The following HERC4 variants were observed in gnomAD, a reference collection of about 807,000 sequenced individuals.
HERC4 encodes probable E3 ubiquitin-protein ligase HERC4.
A neutral mutation model predicts 124.3 loss-of-function variants in HERC4; 28 were observed. The ratio of observed to expected loss-of-function variants is 0.23; its 90% CI spans 0.17 to 0.31. HERC4 has a LOEUF of 0.31. Ranked by LOEUF, HERC4 falls within the 10% of genes least tolerant of loss-of-function variation. The pLI is 1.00. For missense variants in HERC4, 713 were observed against 1,229.3 expected (o/e 0.58, Z 6.28); for synonymous variants, 407 against 421.5 (o/e 0.97, Z 0.42).
chr10:68,033,065 T>TA (rs527476604), intron 6 of HERC4, among the ~76,000 whole-genome samples, 196 bp from the exon 7 acceptor site: 62 of 152,248 alleles, frequency 4.1e-4, no homozygotes, highest in African/African-American at 1.1e-3. Flanking sequence ...AGGAGGGACT[T>TA]AAGAGTTAAG....
intron 3 of HERC4, among the ~76,000 whole-genome samples, chr10:68,050,040 A>C (rs1181526554): frequency 6.6e-6 from 1 of 152,112 alleles, no homozygotes; most frequent in Non-Finnish European, 1.5e-5. Context: ...CATCTCCACT[A>C]AAAAAACAAA....
chr10:68,002,645 C>CTGGA (rs1324301070), intron 9 of HERC4, among the ~76,000 whole-genome samples: 1 of 142,372 alleles, frequency 7.0e-6, no homozygotes, highest in Non-Finnish European at 1.5e-5. Context: ...GTCGCCAAGG[C>CTGGA]TGGAGTGCAG....
At chr10:68,058,149 T>A (rs907279035) in intron 3 of HERC4, among the ~76,000 whole-genome samples, 2 of 152,222 alleles carry the variant, frequency 1.3e-5, no homozygotes, top group African/African-American at 4.8e-5. Flanking sequence ...AGTCTGAAGG[T>A]AAAGGAATCC....
Position 67,940,926 on chromosome 10 carries a change from T to G in HERC4, c.2504+13A>C. ...CAAACCCTACTACTTTTTGACTTTT[T>G]TTTCCAACTAACCTCCCAACATCAG... On this transcript the variant is annotated intron_variant, in intron 20 of 24. Transcript: ENST00000373700. 2 of 1,604,902 alleles carry G rather than the reference T, an allele frequency of 1.2e-6. No individual in the cohort carries two copies. The highest frequency in any genetic ancestry group is 1.7e-6 in the Non-Finnish European group (2 of 1,177,594).
intron 21 of HERC4, 103 bp from the exon 22 acceptor site, chr10:67,936,338 A>G: frequency 1.7e-6 from 1 of 579,572 alleles, no homozygotes; most frequent in Non-Finnish European, 2.8e-6. Context: ...AAAAACTACT[A>G]AATTTGAGAT....
intron 3 of HERC4, among the ~76,000 whole-genome samples, chr10:68,070,866 G>T (rs1474663728): frequency 6.6e-6 from 1 of 151,982 alleles, no homozygotes; most frequent in Non-Finnish European, 1.5e-5. Context: ...ATCACCAATA[G>T]AATTAAATGT....
At chr10:67,975,434 AC>A (rs1230065396) in intron 15 of HERC4, among the ~76,000 whole-genome samples, 1 of 151,932 alleles carries the variant, frequency 6.6e-6, no homozygotes, top group Non-Finnish European at 1.5e-5. Flanking sequence ...TGCTCTGTTG[AC>A]ACCTCCCAGG....
chr10:68,024,814 T>C (rs1330465400), intron 8 of HERC4, among the ~76,000 whole-genome samples: 2 of 152,134 alleles, frequency 1.3e-5, no homozygotes, highest in Admixed American at 6.5e-5. Flanking sequence ...CCCCCAAAGA[T>C]GAAGCTCAAC....
intron 7 of HERC4, among the ~76,000 whole-genome samples, chr10:68,031,295 G>A (rs1048007224): frequency 6.6e-6 from 1 of 152,128 alleles, no homozygotes; most frequent in African/African-American, 2.4e-5. Flanking sequence ...TAGTCTTTCT[G>A]CCATAAAATT....
At chr10:67,966,548 G>C (rs1328310154) in intron 16 of HERC4, 135 bp downstream of exon 16, 1 of 739,782 alleles carries the variant, frequency 1.4e-6, no homozygotes, top group East Asian at 2.9e-5. Flanking sequence ...CCTTTGCAAT[G>C]TGTTATTATT....
intron 9 of HERC4, chr10:68,010,679 C>G (rs975384925): frequency 4.7e-6 from 7 of 1,475,550 alleles, no homozygotes; most frequent in Non-Finnish European, 9.3e-7. Context: ...GCAAGGGCCG[C>G]GCCGCTTACA....
intron 4 of HERC4, among the ~76,000 whole-genome samples, chr10:68,042,425 G>A (rs762210722): frequency 1.3e-5 from 2 of 152,216 alleles, no homozygotes; most frequent in Non-Finnish European, 2.9e-5. Context: ...AGGAATTTAA[G>A]ACCAGCTGGG....
intron 16 of HERC4, chr10:67,965,102 T>C (rs1469319597): frequency 6.6e-6 from 1 of 152,216 alleles, no homozygotes; most frequent in Non-Finnish European, 1.5e-5. Context: ...CCTTCAATCA[T>C]GTCAAGCTTG....
At chr10:67,967,656 A>G (rs2034969264) in intron 15 of HERC4, among the ~76,000 whole-genome samples, 1 of 152,254 alleles carries the variant, frequency 6.6e-6, no homozygotes, top group South Asian at 2.1e-4. Flanking sequence ...AATCATCACC[A>G]ATACTGGAAC....
Position 67,987,548 on chromosome 10 carries a change from T to A in HERC4, c.1806+1115A>T, listed in dbSNP as rs556884724. Among the ~76,000 whole-genome samples, 28 of 152,288 alleles carry A rather than the reference T, an allele frequency of 1.8e-4. No homozygotes were observed. The Middle Eastern group carries it at 0.01, about 55-fold the overall frequency. The stretch of plus-strand genomic sequence containing the variant: ...GTAGTTAGAGAATCTTCTTAGTAAC[T>A]GTTTACTGCAGACCTGGACCCTGAT... On this transcript the variant is annotated intron_variant, in intron 15 of 24. Coordinates refer to ENST00000373700, the MANE Select transcript of HERC4 (RefSeq NM_015601.4).
intron 15 of HERC4, among the ~76,000 whole-genome samples, chr10:67,970,789 T>G (rs934655133): frequency 6.6e-6 from 1 of 151,766 alleles, no homozygotes; most frequent in African/African-American, 2.4e-5. Flanking sequence ...AGAAAATCTA[T>G]AGCATTAAAT....
intron 8 of HERC4, among the ~76,000 whole-genome samples, chr10:68,016,287 G>A (rs1390033145): frequency 6.6e-6 from 1 of 152,078 alleles, no homozygotes; most frequent in African/African-American, 2.4e-5. Context: ...TGGTAATCCT[G>A]ACTGCTTCAT....
At chr10:67,996,287 G>C in intron 9 of HERC4, 1 of 310,432 alleles carries the variant, frequency 3.2e-6, no homozygotes, top group Non-Finnish European at 6.2e-6. Context: ...ATATTGTCAG[G>C]GAAAATTTTG....
chr10:68,027,990 T>TTATATA (rs55984730), intron 7 of HERC4, among the ~76,000 whole-genome samples: 10 of 144,590 alleles, frequency 6.9e-5, no homozygotes, highest in East Asian at 2.0e-4. Flanking sequence ...ATATTTTTAA[T>TTATATA]TATATATATA....
Sources: gnomAD v4.1 joint callset for allele counts (sites outside exome capture counted in the v4.1 genomes callset) on GRCh38, gnomAD v4.1.1 for gene constraint, MANE v1.5 for transcripts, NCBI Gene and HGNC (gene_info 2026-07-23, HGNC 2026-07-21) for gene names.